The following STXBP5 variants were observed in gnomAD, a reference collection of about 807,000 sequenced individuals.
STXBP5 encodes the protein syntaxin-binding protein 5.
A neutral mutation model predicts 152.4 loss-of-function variants in STXBP5; 50 were observed. That is an observed-to-expected ratio of 0.33 (90% CI 0.26 to 0.42). The LOEUF (loss-of-function observed/expected upper bound fraction) is 0.42. Ranked by LOEUF, STXBP5 falls within the 10% of genes least tolerant of loss-of-function variation. STXBP5 has a pLI of 1.00. For synonymous variants in STXBP5, 492 were observed against 494.7 expected, an observed-to-expected ratio of 0.99 and a Z score of 0.07; for missense variants, 1,167 against 1,388.6, an observed-to-expected ratio of 0.84 and a Z score of 2.54.
chr6:147,331,267 A>G (rs970637640), intron 18 of STXBP5, among the ~76,000 whole-genome samples: 4 of 152,224 alleles, frequency 2.6e-5, no homozygotes, highest in East Asian at 1.9e-4. Context: ...TAACAACTCA[A>G]AAAGATAATT....
intron 2 of STXBP5, among the ~76,000 whole-genome samples, chr6:147,233,162 C>A (rs1235739675): frequency 6.6e-6 from 1 of 151,650 alleles, no homozygotes; most frequent in Non-Finnish European, 1.5e-5. Context: ...TTTAAACAAA[C>A]ATCTAAGATG....
intron 18 of STXBP5, chr6:147,328,806 G>A (rs1453553094): frequency 2.1e-6 from 1 of 465,418 alleles, no homozygotes; most frequent in East Asian, 7.0e-5. Flanking sequence ...GCCTTGGCAT[G>A]TTTGTTCTTT....
intron 4 of STXBP5, among the ~76,000 whole-genome samples, chr6:147,239,740 G>C (rs1395799368): frequency 6.6e-6 from 1 of 152,062 alleles, no homozygotes; most frequent in Non-Finnish European, 1.5e-5. Context: ...TCAGTCTGCT[G>C]TTCATTTTAC....
intron 21 of STXBP5, among the ~76,000 whole-genome samples, chr6:147,346,003 T>A (rs1784309550): frequency 1.3e-5 from 2 of 152,174 alleles, no homozygotes; most frequent in African/African-American, 4.8e-5. Flanking sequence ...CTGAGACTAG[T>A]TTTCCTCAGA....
rs1411197998 is a variant in STXBP5 at position 147,260,638 on chromosome 6, T to G, written c.455T>G (p.Phe152Cys). The G allele has an allele frequency of 6.2e-7, 1 of 1,613,800 alleles. No individual in the cohort carries two copies. The highest frequency in any genetic ancestry group is 1.7e-5 in the Admixed American group (1 of 59,996). Residue 152 changes from phenylalanine (F) to cysteine (C), a missense_variant, in exon 5 of 28, where the codon TTC (phenylalanine) becomes TGC (cysteine). Coordinates refer to ENST00000321680, the MANE Select transcript of STXBP5 (RefSeq NM_001127715.4). ...RERVTFCHLP[F>C]QSKWLYVGTE... ...AGGGTTACATTTTGCCATCTGCCTT[T>G]CCAGAGTAAGTGGCTCTATGTGGGC... is the stretch of plus-strand genomic sequence containing the variant.
At chr6:147,256,560 T>TA (rs1442243429) in intron 4 of STXBP5, among the ~76,000 whole-genome samples, 1 of 152,116 alleles carries the variant, frequency 6.6e-6, no homozygotes, top group African/African-American at 2.4e-5. Context: ...TAAGAAGCAT[T>TA]ATGGTAGAAG....
intron 8 of STXBP5, among the ~76,000 whole-genome samples, chr6:147,279,583 A>G (rs879316663): frequency 1.3e-5 from 2 of 152,210 alleles, no homozygotes; most frequent in Non-Finnish European, 2.9e-5. Flanking sequence ...TTGAAACCAC[A>G]TATTGTGAAA....
chr6:147,316,600 A>G (rs1307893663), intron 16 of STXBP5, among the ~76,000 whole-genome samples, 193 bp downstream of exon 16: 1 of 152,186 alleles, frequency 6.6e-6, no homozygotes, highest in Non-Finnish European at 1.5e-5. Flanking sequence ...GCATTTCATG[A>G]TATTATCCTT....
At chr6:147,267,378 G>A (rs1420074022) in intron 7 of STXBP5, among the ~76,000 whole-genome samples, 1 of 152,056 alleles carries the variant, frequency 6.6e-6, no homozygotes, top group African/African-American at 2.4e-5. Flanking sequence ...TTTCCTTACA[G>A]GTAGCATGTT....
At chr6:147,270,962 A>G (rs906285493) in intron 7 of STXBP5, among the ~76,000 whole-genome samples, 2 of 152,162 alleles carry the variant, frequency 1.3e-5, no homozygotes, top group Admixed American at 6.5e-5. Context: ...CCTAAAGGAA[A>G]TACCAAAGCA....
At chr6:147,298,901 A>T (rs1265427452) in intron 9 of STXBP5, among the ~76,000 whole-genome samples, 1 of 152,046 alleles carries the variant, frequency 6.6e-6, no homozygotes, top group Non-Finnish European at 1.5e-5. Flanking sequence ...TAGACAACCT[A>T]ACATTGCACC....
At chr6:147,213,477 T>TGTGTGTGTGTGTGTGTGTGCGCGCGC in intron 2 of STXBP5, among the ~76,000 whole-genome samples, 9 of 131,274 alleles carry the variant, frequency 6.9e-5, no homozygotes, top group East Asian at 2.1e-4. Flanking sequence ...TGTGTGTGTG[T>TGTGTGTGTGTGTGTGTGTGCGCGCGC]GCGCGCGCAT....
At chr6:147,326,319 G>A (rs900434983) in intron 17 of STXBP5, among the ~76,000 whole-genome samples, 3 of 152,178 alleles carry the variant, frequency 2.0e-5, no homozygotes, top group Non-Finnish European at 4.4e-5. Flanking sequence ...TAGGCTTACA[G>A]TTGTATTTTG....
chr6:147,259,455 A>G (rs1406096019), intron 4 of STXBP5, among the ~76,000 whole-genome samples: 1 of 152,192 alleles, frequency 6.6e-6, no homozygotes, highest in Non-Finnish European at 1.5e-5. Context: ...TAAAACACTC[A>G]ACAGAAATTA....
intron 10 of STXBP5, among the ~76,000 whole-genome samples, chr6:147,310,516 C>G (rs997489614): frequency 7.1e-6 from 1 of 140,212 alleles, no homozygotes; most frequent in African/African-American, 2.6e-5. Flanking sequence ...CGCACACACT[C>G]ATAGGAGAGA....
chr6:147,376,088 A>C (rs1241786360), intron 26 of STXBP5, among the ~76,000 whole-genome samples: 2 of 152,200 alleles, frequency 1.3e-5, no homozygotes, highest in Non-Finnish European at 2.9e-5. Flanking sequence ...GATGTGCATA[A>C]ATATAATTAA....
chr6:147,363,227 A>G lies in STXBP5; in HGVS notation c.2546-108A>G, dbSNP rs115934784. 2,047 of 1,170,238 alleles carry G rather than the reference A, an allele frequency of 1.7e-3. 34 individuals are homozygous for G. In the African/African-American group the frequency reaches 0.029, roughly 16 times the overall value. The allele number at this position is 1,170,238 out of a possible 1,614,324, so 72.5% of individuals were successfully genotyped here. On this transcript the variant is annotated intron_variant, in intron 23 of 27. Transcript: ENST00000321680. The stretch of plus-strand genomic sequence containing the variant: ...TCAATGAGCCAGTGTTCAGTTCAAT[A>G]TGCGTTCAGCATATATTTAAGTATC...
rs1786415619 is a variant in STXBP5, at chr6:147,387,834, G to A, written c.*3079G>A. On this transcript the variant is annotated 3_prime_UTR_variant, in exon 28 of 28. Coordinates refer to ENST00000321680, the MANE Select transcript of STXBP5 (RefSeq NM_001127715.4). ...CTTCTTAATTGTAGGTTCCTCTGAAGCGATTTCATGTAGATATGTGAGTGT... is the reference window on the plus strand; with the variant it reads ...CTTCTTAATTGTAGGTTCCTCTGAAACGATTTCATGTAGATATGTGAGTGT... The A allele has an allele frequency of 6.6e-6, 1 of 151,396 alleles. No homozygotes were observed. The highest frequency in any genetic ancestry group is 1.5e-5 in the Non-Finnish European group (1 of 67,656). The allele number at this position is 151,396 out of a possible 1,614,324, so 9.4% of individuals were successfully genotyped here.
Position 147,241,128 on chromosome 6 carries a change from T to A in STXBP5, c.431+1858T>A, listed in dbSNP as rs1324452413. On this transcript the variant is annotated intron_variant, in intron 4 of 27. Transcript: ENST00000321680. Reference sequence around the variant, plus strand: ...TTAACAGACTTTATTTTTAGAACAATTTTAGATTTATAGAATAATTGAGCA... The same window carrying A: ...TTAACAGACTTTATTTTTAGAACAAATTTAGATTTATAGAATAATTGAGCA... 2.0e-5 allele frequency among the ~76,000 whole-genome samples: 3 copies of A among 152,152 alleles called. No individual in the cohort carries two copies. In the East Asian group the frequency reaches 5.8e-4, roughly 29 times the overall value.
Sources: gnomAD v4.1 joint callset for allele counts (sites outside exome capture counted in the v4.1 genomes callset) on GRCh38, gnomAD v4.1.1 for gene constraint, MANE v1.5 for transcripts, NCBI Gene and HGNC (gene_info 2026-07-23, HGNC 2026-07-21) for gene names.